ARHGEF10: variants seen among roughly 807,000 people sequenced by gnomAD.
The protein encoded by ARHGEF10 is Rho guanine nucleotide exchange factor (GEF) 10.
Under a neutral mutation model 147.4 loss-of-function variants are expected in ARHGEF10, and 140 were observed. The observed-to-expected ratio is 0.95, with a 90% CI of 0.83 to 1.09. ARHGEF10 has a LOEUF of 1.09. ARHGEF10 is among the 50% of genes least tolerant of loss of function. The pLI, the probability that ARHGEF10 is intolerant of heterozygous loss-of-function variation, is 0.00. For synonymous variants in ARHGEF10, 902 were observed against 695.8 expected (o/e 1.30, Z -4.67); for missense variants, 2,222 against 1,752.7 (o/e 1.27, Z -4.78).
chr8:1,956,949 A>C lies in ARHGEF10; in HGVS notation c.3721A>C (p.Ile1241Leu). Residue 1241 changes from isoleucine (I) to leucine (L), a missense_variant, in exon 29 of 29, where the codon ATC becomes CTC. Transcript: ENST00000349830. ...SLSQGDPDAA[I>L]WLGDSLGSMT... ...GAGCCAGGGTGACCCTGACGCAGCCATCTGGTTGGGAGATTCGCTGGGATC... is the reference window on the plus strand; with the variant it reads ...GAGCCAGGGTGACCCTGACGCAGCCCTCTGGTTGGGAGATTCGCTGGGATC... The C allele has an allele frequency of 6.2e-7, 1 of 1,614,158 alleles. No individual in the cohort carries two copies. The highest frequency in any genetic ancestry group is 2.2e-5 in the East Asian group (1 of 44,874).
At chr8:1,858,203 A>AGTCCCCAG in intron 3 of ARHGEF10, 88 bp downstream of exon 3, 1 of 1,100,630 alleles carries the variant, frequency 9.1e-7, no homozygotes, top group Non-Finnish European at 1.2e-6. Flanking sequence ...TCACCAGGTG[A>AGTCCCCAG]GTTCCCAGGT....
At chr8:1,926,497 C>A in intron 23 of ARHGEF10, 34 bp downstream of exon 23, 1 of 1,578,642 alleles carries the variant, frequency 6.3e-7, no homozygotes, top group Non-Finnish European at 8.7e-7. Context: ...GGTACAAGTT[C>A]ACAGAGAATC....
chr8:1,918,744 A>G (rs974884524), intron 18 of ARHGEF10, among the ~76,000 whole-genome samples: 13 of 152,192 alleles, frequency 8.5e-5, no homozygotes, highest in African/African-American at 1.7e-4. Context: ...ATTCCTCCCA[A>G]TGAACTGAAA....
intron 1 of ARHGEF10, among the ~76,000 whole-genome samples, chr8:1,824,411 G>T (rs1486294745): frequency 6.6e-6 from 1 of 152,006 alleles, no homozygotes; most frequent in Admixed American, 6.5e-5. Flanking sequence ...TCGGCGGAAG[G>T]AGCCCGAGGG....
In ARHGEF10 at chr8:1,904,793, G is replaced by A. The variant is rs115714596; in HGVS notation, c.1822-778G>A. 7.9e-3 allele frequency among the ~76,000 whole-genome samples: 1,207 copies of A among 151,992 alleles called. 17 individuals are homozygous for A. Among genetic ancestry groups the A allele is most frequent in the African/African-American group, 0.028 (1,149 of 41,468 alleles). On this transcript the variant is annotated intron_variant, in intron 16 of 28. Coordinates refer to ENST00000349830, the MANE Select transcript of ARHGEF10 (RefSeq NM_014629.4). ...ATCAAAAGACAGCACAGACCACCGGGGCTGAGGACTCTGTTTTTCTTGTGG... is the reference window on the plus strand; with the variant it reads ...ATCAAAAGACAGCACAGACCACCGGAGCTGAGGACTCTGTTTTTCTTGTGG...
chr8:1,846,421 A>T (rs1335683164), intron 2 of ARHGEF10, among the ~76,000 whole-genome samples: 1 of 152,216 alleles, frequency 6.6e-6, no homozygotes, highest in Non-Finnish European at 1.5e-5. Context: ...CGTCCACTTA[A>T]AAGTGCCCCT....
intron 27 of ARHGEF10, among the ~76,000 whole-genome samples, chr8:1,950,860 A>C (rs966536040): frequency 2.6e-5 from 4 of 151,354 alleles, no homozygotes; most frequent in East Asian, 3.9e-4. Context: ...GATTACAGGC[A>C]TGAGCCACTG....
intron 1 of ARHGEF10, among the ~76,000 whole-genome samples, chr8:1,832,214 C>T (rs1438579421): frequency 3.6e-5 from 5 of 138,932 alleles, no homozygotes; most frequent in Admixed American, 7.4e-5. Flanking sequence ...ATGGAGCGTC[C>T]GTAGATGCCC....
rs750630135 is a variant in ARHGEF10 at position 1,866,587 on chromosome 8, A to G, written c.607A>G (p.Thr203Ala). Residue 203 changes from threonine (T) to alanine (A), a missense_variant, in exon 6 of 29, where the codon ACA becomes GCA. Transcript: ENST00000349830. ...CCGCTGGGCCGCAGACCCGGCCAAC[A>G]CAGCCTGGATGGAGAGTAAGTTCCC... ...LARWAADPAN[T>A]AWMENPEEAI... The G allele has an allele frequency of 3.1e-6, 5 of 1,606,330 alleles. No individual in the cohort carries two copies. The highest frequency in any genetic ancestry group is 4.2e-6 in the Non-Finnish European group (5 of 1,179,994).
chr8:1,829,168 C>T (rs960929213), intron 1 of ARHGEF10, among the ~76,000 whole-genome samples: 1 of 152,058 alleles, frequency 6.6e-6, no homozygotes, highest in Non-Finnish European at 1.5e-5. Context: ...TGAGTCGTCC[C>T]GACAGGATAC....
chr8:1,933,835 A>G lies in ARHGEF10; in HGVS notation c.3115A>G (p.Lys1039Glu), dbSNP rs377078578. 58 of 1,614,092 alleles carry G rather than the reference A, an allele frequency of 3.6e-5. No homozygotes were observed. The highest frequency in any genetic ancestry group is 4.7e-5 in the Non-Finnish European group (56 of 1,180,040). ...GGATTCAGAACCTCAAAAAGTGATC[A>G]AGTTAGGCGTCCTACCAGTTAGAAG... ...SWDSEPQKVIKLGVLPVRSLL... is the reference protein window; with the variant it reads ...SWDSEPQKVIELGVLPVRSLL... The change falls in exon 26 of 29, where the codon AAG (lysine) becomes GAG (glutamate). Residue 1039 changes from lysine (K) to glutamate (E), a missense_variant. Transcript: ENST00000349830.
chr8:1,832,288 C>A (rs1178747271), intron 1 of ARHGEF10, among the ~76,000 whole-genome samples: 2 of 152,018 alleles, frequency 1.3e-5, no homozygotes, highest in African/African-American at 4.8e-5. Context: ...CATGTGCAGC[C>A]GCCCTTGCTG....
intron 8 of ARHGEF10, among the ~76,000 whole-genome samples, chr8:1,878,503 C>T (rs558014630): frequency 3.9e-5 from 6 of 152,296 alleles, no homozygotes; most frequent in Admixed American, 6.5e-5. Flanking sequence ...TAGTTTTTAA[C>T]AGCTGATAAC....
chr8:1,851,115 C>T (rs370340928), intron 2 of ARHGEF10, among the ~76,000 whole-genome samples: 1 of 151,954 alleles, frequency 6.6e-6, no homozygotes, highest in Non-Finnish European at 1.5e-5. Flanking sequence ...TGTCATTACA[C>T]GCCTGTCCAA....
intron 7 of ARHGEF10, among the ~76,000 whole-genome samples, chr8:1,872,440 C>G (rs540733067): frequency 6.6e-6 from 1 of 152,186 alleles, no homozygotes; most frequent in Non-Finnish European, 1.5e-5. Flanking sequence ...CTTGTAAACT[C>G]CCTCACCTGC....
chr8:1,885,708 G>C lies in ARHGEF10; in HGVS notation c.1182+1G>C. ...GCCCGAGGGTTTATCTCAGCAGCAG[G>C]TGAGATGAGCAGAGCTGACAGGGGC... On this transcript the variant is annotated splice_donor_variant, in intron 11 of 28. Transcript: ENST00000349830. LOFTEE classifies it high-confidence loss of function. 1 of 1,609,402 alleles carries C rather than the reference G, an allele frequency of 6.2e-7. No homozygotes were observed. Among genetic ancestry groups the C allele is most frequent in the Non-Finnish European group, 8.5e-7 (1 of 1,175,760 alleles).
chr8:1,864,544 G>A (rs920009320), intron 5 of ARHGEF10, 108 bp downstream of exon 5: 15 of 1,193,902 alleles, frequency 1.3e-5, no homozygotes, highest in South Asian at 9.7e-5. Context: ...AGCTCTGCGC[G>A]GCGGGAGCTG....
At chr8:1,856,718 A>G (rs1364876572) in intron 2 of ARHGEF10, among the ~76,000 whole-genome samples, 1 of 152,116 alleles carries the variant, frequency 6.6e-6, no homozygotes, top group Non-Finnish European at 1.5e-5. Flanking sequence ...TCCCTGGCCC[A>G]CGGGGGATTG....
intron 11 of ARHGEF10, among the ~76,000 whole-genome samples, chr8:1,887,401 A>C (rs1427631436): frequency 6.6e-6 from 1 of 151,196 alleles, no homozygotes; most frequent in Non-Finnish European, 1.5e-5. Flanking sequence ...AGTGTGAAAG[A>C]GGCGATGCCA....
Sources: gnomAD v4.1 joint callset for allele counts (sites outside exome capture counted in the v4.1 genomes callset) on GRCh38, gnomAD v4.1.1 for gene constraint, MANE v1.5 for transcripts, NCBI Gene and HGNC (gene_info 2026-07-23, HGNC 2026-07-21) for gene names.